The following SYNCRIP variants were observed in gnomAD, a reference collection of about 807,000 sequenced individuals.
SYNCRIP encodes the protein synaptotagmin binding cytoplasmic RNA interacting protein.
In SYNCRIP, 9 loss-of-function variants were observed where a neutral mutation model predicts 68.9. The observed-to-expected ratio is 0.13, with a 90% confidence interval of 0.08 to 0.23. The LOEUF is 0.23. SYNCRIP is among the 10% of genes least tolerant of loss of function. The probability of loss-of-function intolerance (pLI) is 1.00; values close to 1 mark genes in which losing one functional copy is unlikely to be tolerated. For synonymous variants in SYNCRIP, 258 were observed against 254.0 expected, an observed-to-expected ratio of 1.02 and a Z score of -0.15; for missense variants, 414 against 770.6, an observed-to-expected ratio of 0.54 and a Z score of 5.48.
At chr6:85,637,176 G>A (rs755413264) in intron 5 of SYNCRIP, 33 bp from the exon 6 acceptor site, 2 of 1,606,636 alleles carry the variant, frequency 1.2e-6, no homozygotes, top group Non-Finnish European at 1.7e-6. Flanking sequence ...AAACCATGGA[G>A]AATTGCTTTA....
At chr6:85,625,429 G>A (rs1159850528) in intron 6 of SYNCRIP, among the ~76,000 whole-genome samples, 1 of 150,252 alleles carries the variant, frequency 6.7e-6, no homozygotes, top group African/African-American at 2.5e-5. Flanking sequence ...CTGTCCCCCA[G>A]GCAGGAGTGC....
chr6:85,619,058 AGTCAAATAATTTTATTTAAAGAT>A, intron 9 of SYNCRIP, 119 bp from the exon 10 acceptor site: 2 of 1,200,814 alleles, frequency 1.7e-6, no homozygotes, highest in Non-Finnish European at 2.4e-6. Context: ...CCATGCAGGC[AGTCAAATAATTTTATTTAAAGAT>A]GCAGATATTC....
intron 6 of SYNCRIP, among the ~76,000 whole-genome samples, chr6:85,625,466 C>A (rs182145032): frequency 8.8e-4 from 133 of 151,922 alleles, no homozygotes; most frequent in African/African-American, 3.0e-3. Flanking sequence ...CGGCTCACTG[C>A]AACCTCCGCC....
intron 9 of SYNCRIP, 73 bp from the exon 10 acceptor site, chr6:85,619,012 C>T (rs1806089559): frequency 1.4e-6 from 2 of 1,452,120 alleles, no homozygotes; most frequent in Admixed American, 4.0e-5. Context: ...GTTGGAATAT[C>T]ATTTATCATT....
Position 85,614,296 on chromosome 6 carries a change from T to G in SYNCRIP, c.*460A>C. The stretch of plus-strand genomic sequence containing the variant: ...CCAAAATGGTTTTGAAAACCCAAAT[T>G]AGGTCAAAGTTCTAAATTAAAAATA... On this transcript the variant is annotated 3_prime_UTR_variant, in exon 11 of 11. Transcript: ENST00000369622. The G allele has an allele frequency of 1.0e-6, 1 of 986,230 alleles. No individual in the cohort carries two copies. Among genetic ancestry groups the G allele is most frequent in the African/African-American group, 1.7e-5 (1 of 57,376 alleles). 61.1% of individuals were successfully genotyped at this position (986,230 alleles called of 1,614,324 possible).
In SYNCRIP at chr6:85,614,890, T is replaced by C. The variant is rs1382830995; in HGVS notation, c.1738A>G (p.Thr580Ala). 1.2e-6 allele frequency: 2 copies of C among 1,614,066 alleles called. No homozygotes were observed. The highest frequency in any genetic ancestry group is 1.7e-6 in the Non-Finnish European group (2 of 1,180,040). ...YNQPDSKRRQ[T>A]NNQNWGSQPI... ...TGGGAGCCCCAGTTCTGATTATTGGTCTGGCGCCGCTTGGAATCTGGCTGG... is the reference window on the plus strand; with the variant it reads ...TGGGAGCCCCAGTTCTGATTATTGGCCTGGCGCCGCTTGGAATCTGGCTGG... Residue 580 changes from threonine (T) to alanine (A), a missense_variant, in exon 11 of 11, where the codon ACC (threonine) becomes GCC (alanine). By Grantham distance (58) the Thr-to-Ala change is moderately conservative. This residue lies in a region of SYNCRIP where 130 missense variants were observed against 149.0 expected (regional missense o/e 0.87). Coordinates refer to ENST00000369622, the MANE Select transcript of SYNCRIP (RefSeq NM_006372.5).
upstream of SYNCRIP, chr6:85,643,144 T>C (rs1256751198): frequency 6.6e-6 from 1 of 152,172 alleles, no homozygotes; most frequent in Non-Finnish European, 1.5e-5. Flanking sequence ...GCCTTTCTTA[T>C]TCCCGCCCCC....
At position 85,614,032 on chromosome 6, in the gene SYNCRIP, A is replaced by G. The variant is rs1805497372; in HGVS notation, c.*724T>C. On this transcript the variant is annotated 3_prime_UTR_variant, in exon 11 of 11. Transcript: ENST00000369622. ...GGGAACATGAAGTCTGTTGTAAAAT[A>G]GCACTTTAAACCAGAAGCAGAAAAC... 1 of 985,496 alleles carries G rather than the reference A, an allele frequency of 1.0e-6. No individual in the cohort carries two copies. The highest frequency in any genetic ancestry group is 1.2e-6 in the Non-Finnish European group (1 of 829,824). 61.0% of individuals were successfully genotyped at this position (985,496 alleles called of 1,614,324 possible).
chr6:85,628,283 T>C (rs1807295586), intron 6 of SYNCRIP, among the ~76,000 whole-genome samples: 1 of 152,184 alleles, frequency 6.6e-6, no homozygotes, highest in South Asian at 2.1e-4. Flanking sequence ...CTCGAACTCC[T>C]GGCCTCGGGT....
chr6:85,642,320 G>A (rs151220733), intron 1 of SYNCRIP, among the ~76,000 whole-genome samples: 33 of 152,224 alleles, frequency 2.2e-4, no homozygotes, highest in African/African-American at 7.5e-4. Flanking sequence ...CCCGTGGCGC[G>A]CTGTGCAGGT....
chr6:85,632,311 A>G (rs1807890317), intron 6 of SYNCRIP, among the ~76,000 whole-genome samples: 1 of 152,208 alleles, frequency 6.6e-6, no homozygotes, highest in African/African-American at 2.4e-5. Context: ...AAATAATGCA[A>G]AGGAGGCATG....
intron 4 of SYNCRIP, 53 bp downstream of exon 4, chr6:85,640,168 T>C: frequency 1.6e-6 from 2 of 1,269,336 alleles, no homozygotes; most frequent in Non-Finnish European, 2.3e-6. Flanking sequence ...TTTACCAAAA[T>C]TAGGAAACAG....
chr6:85,628,673 TTGTC>T (rs1274720119), intron 6 of SYNCRIP, among the ~76,000 whole-genome samples: 1 of 152,212 alleles, frequency 6.6e-6, no homozygotes, highest in African/African-American at 2.4e-5. Flanking sequence ...CTCTTACATA[TTGTC>T]TGTGTTACCC....
intron 6 of SYNCRIP, among the ~76,000 whole-genome samples, chr6:85,624,349 G>A (rs985541958): frequency 2.0e-5 from 3 of 152,136 alleles, no homozygotes; most frequent in African/African-American, 7.2e-5. Context: ...AATCAGATCT[G>A]CAGCAGCTTA....
At chr6:85,622,829 T>A in intron 7 of SYNCRIP, 142 bp from the exon 8 acceptor site, 2 of 681,878 alleles carry the variant, frequency 2.9e-6, no homozygotes, top group Admixed American at 2.9e-5. Context: ...TATAAAAGAC[T>A]ATCAAAAACT....
chr6:85,621,180 CCTAA>C (rs1169684142), intron 8 of SYNCRIP, among the ~76,000 whole-genome samples: 20 of 152,274 alleles, frequency 1.3e-4, no homozygotes, highest in East Asian at 1.2e-3. Context: ...AAAAATGAAT[CCTAA>C]CTATTTTCTC....
chr6:85,635,310 A>G (rs1808311962), intron 6 of SYNCRIP, among the ~76,000 whole-genome samples: 2 of 152,180 alleles, frequency 1.3e-5, no homozygotes, highest in Non-Finnish European at 2.9e-5. Context: ...CTAAAACACA[A>G]AGCACTCTTT....
At chr6:85,626,907 A>G (rs1298549380) in intron 6 of SYNCRIP, among the ~76,000 whole-genome samples, 6 of 152,204 alleles carry the variant, frequency 3.9e-5, no homozygotes, top group African/African-American at 1.4e-4. Flanking sequence ...CAACATAAAT[A>G]ACACAAAGAT....
At chr6:85,621,083 A>T (rs1806327352) in intron 8 of SYNCRIP, among the ~76,000 whole-genome samples, 1 of 152,214 alleles carries the variant, frequency 6.6e-6, no homozygotes. Context: ...CTTCACTAAC[A>T]TTATCACTTC....
Sources: gnomAD v4.1 joint callset for allele counts (sites outside exome capture counted in the v4.1 genomes callset) on GRCh38, gnomAD v4.1.1 for gene constraint, gnomAD v4.1.1 regional missense constraint, MANE v1.5 for transcripts, NCBI Gene and HGNC (gene_info 2026-07-23, HGNC 2026-07-21) for gene names.